The following LRRC4C variants were observed in gnomAD, a reference collection of about 807,000 sequenced individuals.
The protein encoded by LRRC4C is leucine-rich repeat-containing protein 4C.
Under a neutral mutation model 33.6 loss-of-function variants are expected in LRRC4C, and 5 were observed. That is an observed-to-expected ratio of 0.15 (90% CI 0.08 to 0.31). LRRC4C has a LOEUF of 0.31. Ranked by LOEUF, LRRC4C falls within the 10% of genes least tolerant of loss-of-function variation. LRRC4C has a pLI of 1.00. For missense variants in LRRC4C, 560 were observed against 796.7 expected, an observed-to-expected ratio of 0.70 and a Z score of 3.58; for synonymous variants, 329 against 302.0, an observed-to-expected ratio of 1.09 and a Z score of -0.93.
At chr11:40,615,242 A>G in intron 3 of LRRC4C, among the ~76,000 whole-genome samples, 1 of 76,586 alleles carries the variant, frequency 1.3e-5, no homozygotes, top group East Asian at 2.5e-4. Flanking sequence ...TTTATTTTAT[A>G]TATATATATA....
intron 2 of LRRC4C, among the ~76,000 whole-genome samples, chr11:40,760,945 C>A (rs1249622671): frequency 6.7e-6 from 1 of 149,410 alleles, no homozygotes; most frequent in Non-Finnish European, 1.5e-5. Context: ...GTCTCAAACT[C>A]CTGACCCCAA....
intron 2 of LRRC4C, among the ~76,000 whole-genome samples, chr11:40,669,680 A>C (rs1943987722): frequency 6.6e-6 from 1 of 152,166 alleles, no homozygotes; most frequent in Non-Finnish European, 1.5e-5. Flanking sequence ...TATATCTTCT[A>C]ATGTCTTCAG....
chr11:41,210,501 C>A lies in LRRC4C; in HGVS notation c.-496+248930G>T, dbSNP rs563075354. On this transcript the variant is annotated intron_variant, in intron 1 of 6. Coordinates refer to ENST00000528697, the MANE Select transcript of LRRC4C (RefSeq NM_001258419.2). ...CACACTGAACTGTGAGTCCATTAAA[C>A]CTCTTTTTCTTTATAAATTACCCAG... 3.3e-5 allele frequency among the ~76,000 whole-genome samples: 5 copies of A among 152,236 alleles called. No homozygotes were observed. The South Asian group carries it at 1.0e-3, about 32-fold the overall frequency.
intron 1 of LRRC4C, among the ~76,000 whole-genome samples, chr11:41,188,468 C>T (rs1590880118): frequency 6.6e-6 from 1 of 151,818 alleles, no homozygotes; most frequent in South Asian, 2.1e-4. Context: ...GAAGCCAATC[C>T]CAGCTTAATC....
chr11:40,177,969 A>T (rs1476349456), intron 5 of LRRC4C, among the ~76,000 whole-genome samples: 1 of 152,178 alleles, frequency 6.6e-6, no homozygotes. Flanking sequence ...TTTGACTAAC[A>T]TCAAACAGTA....
chr11:41,373,938 T>C (rs540434442), intron 1 of LRRC4C, among the ~76,000 whole-genome samples: 1 of 152,316 alleles, frequency 6.6e-6, no homozygotes, highest in Admixed American at 6.5e-5. Context: ...GTTTAAAAAA[T>C]AAAGTTGGCA....
intron 4 of LRRC4C, among the ~76,000 whole-genome samples, chr11:40,295,477 G>T (rs1223215822): frequency 1.3e-5 from 2 of 152,122 alleles, no homozygotes; most frequent in African/African-American, 2.4e-5. Flanking sequence ...ATAACGGAAG[G>T]TAGCATCAAA....
chr11:40,354,184 G>A (rs1426186231), intron 3 of LRRC4C, among the ~76,000 whole-genome samples: 1 of 152,112 alleles, frequency 6.6e-6, no homozygotes, highest in Non-Finnish European at 1.5e-5. Flanking sequence ...AGAGACTTTT[G>A]TTCTCTACCC....
chr11:41,099,974 A>G (rs1324533897), intron 1 of LRRC4C, among the ~76,000 whole-genome samples: 1 of 152,178 alleles, frequency 6.6e-6, no homozygotes, highest in Non-Finnish European at 1.5e-5. Flanking sequence ...TCAGCTGATA[A>G]ACAACTTGAG....
At chr11:40,298,773 C>A (rs1393845591) in intron 4 of LRRC4C, among the ~76,000 whole-genome samples, 1 of 151,992 alleles carries the variant, frequency 6.6e-6, no homozygotes, top group South Asian at 2.1e-4. Context: ...ACAATTATGG[C>A]AGAAGGGGAA....
chr11:40,258,842 A>G (rs1048430058), intron 4 of LRRC4C, among the ~76,000 whole-genome samples: 16 of 152,324 alleles, frequency 1.1e-4, no homozygotes, highest in Admixed American at 5.2e-4. Context: ...GAACTTCCCT[A>G]TGCCAATAAA....
At chr11:40,439,845 G>A (rs1010085525) in intron 3 of LRRC4C, among the ~76,000 whole-genome samples, 1 of 152,136 alleles carries the variant, frequency 6.6e-6, no homozygotes, top group Non-Finnish European at 1.5e-5. Flanking sequence ...CATGACCCAG[G>A]CCCTACAACT....
chr11:41,327,898 T>C (rs1951172496), intron 1 of LRRC4C, among the ~76,000 whole-genome samples: 2 of 152,196 alleles, frequency 1.3e-5, no homozygotes, highest in Admixed American at 1.3e-4. Flanking sequence ...CATGATGAAA[T>C]GTGAGTCCAT....
intron 3 of LRRC4C, among the ~76,000 whole-genome samples, chr11:40,540,193 A>T (rs1956647342): frequency 6.6e-6 from 1 of 152,208 alleles, no homozygotes; most frequent in African/African-American, 2.4e-5. Flanking sequence ...AAGGACAAGA[A>T]TTGAAAGTCT....
intron 2 of LRRC4C, among the ~76,000 whole-genome samples, chr11:40,766,232 C>A (rs1949448494): frequency 3.3e-5 from 5 of 150,432 alleles, no homozygotes; most frequent in Non-Finnish European, 1.5e-5. Flanking sequence ...GTATATCCAG[C>A]AAAAATAACT....
chr11:40,432,571 C>T (rs975235311), intron 3 of LRRC4C, among the ~76,000 whole-genome samples: 4 of 152,184 alleles, frequency 2.6e-5, no homozygotes, highest in Non-Finnish European at 5.9e-5. Flanking sequence ...CTGGCAGGCA[C>T]TGTCCAAGGG....
chr11:41,309,177 T>G (rs571807101), intron 1 of LRRC4C, among the ~76,000 whole-genome samples: 59 of 152,150 alleles, frequency 3.9e-4, no homozygotes, highest in Non-Finnish European at 6.5e-4. Context: ...CCCCTGTTGC[T>G]GAGTAGCAGT....
At chr11:41,062,541 T>G (rs1410734324) in intron 1 of LRRC4C, among the ~76,000 whole-genome samples, 2 of 152,136 alleles carry the variant, frequency 1.3e-5, no homozygotes, top group Non-Finnish European at 2.9e-5. Flanking sequence ...TCTATCTAAT[T>G]AAATCCAGGA....
At chr11:40,168,054 C>A (rs112937525) in intron 5 of LRRC4C, among the ~76,000 whole-genome samples, 12 of 145,054 alleles carry the variant, frequency 8.3e-5, no homozygotes, top group African/African-American at 3.0e-4. Flanking sequence ...AACAAACAAA[C>A]AAAAAACAAA....
Sources: gnomAD v4.1 joint callset for allele counts (sites outside exome capture counted in the v4.1 genomes callset) on GRCh38, gnomAD v4.1.1 for gene constraint, MANE v1.5 for transcripts, NCBI Gene and HGNC (gene_info 2026-07-23, HGNC 2026-07-21) for gene names.